TBC1D22A: variants seen among roughly 807,000 people sequenced by gnomAD.
TBC1D22A encodes putative GTPase activator.
A neutral mutation model predicts 60.2 loss-of-function variants in TBC1D22A; 38 were observed. The ratio of observed to expected loss-of-function variants is 0.63; its 90% CI spans 0.49 to 0.83. The LOEUF (loss-of-function observed/expected upper bound fraction) is 0.83. Among genes scored for constraint, TBC1D22A ranks in the 40% least tolerant of loss-of-function variants. The probability of loss-of-function intolerance (pLI) is 0.00; values close to 1 mark genes in which losing one functional copy is unlikely to be tolerated. For synonymous variants in TBC1D22A, 302 were observed against 281.7 expected (o/e 1.07, Z -0.72); for missense variants, 628 against 701.0 (o/e 0.90, Z 1.18).
rs150598187 is a variant in TBC1D22A, at chr22:46,991,250, G to A, written c.1126-6384G>A. Among the ~76,000 whole-genome samples the A allele has an allele frequency of 3.5e-3, 539 of 152,310 alleles. 2 individuals carry two copies. The highest frequency in any genetic ancestry group is 0.013 in the African/African-American group (528 of 41,548). ...AGGCTGCATAGAATCTGACACGTTT[G>A]TGCTCTGAGGGTGCTTTCTGAGAAC... On this transcript the variant is annotated intron_variant, in intron 9 of 12. Transcript: ENST00000337137.
In TBC1D22A at chr22:46,771,337, T is replaced by C. The variant is rs187088766; in HGVS notation, c.62+8489T>C. 3.9e-4 allele frequency among the ~76,000 whole-genome samples: 59 copies of C among 152,260 alleles called. 1 individual carries two copies. Among genetic ancestry groups the C allele is most frequent in the African/African-American group, 1.3e-3 (55 of 41,532 alleles). Reference sequence around the variant, plus strand: ...TCTGTTTTTCTTTCTGTTTTTCTTTTTAATTTTTTATTTCTATAGATTACT... The same window carrying C: ...TCTGTTTTTCTTTCTGTTTTTCTTTCTAATTTTTTATTTCTATAGATTACT... On this transcript the variant is annotated intron_variant, in intron 1 of 12. Transcript: ENST00000337137.
chr22:46,991,806 G>A (rs924426452), intron 9 of TBC1D22A, among the ~76,000 whole-genome samples: 1 of 152,118 alleles, frequency 6.6e-6, no homozygotes, highest in African/African-American at 2.4e-5. Flanking sequence ...TGCCTCAGCC[G>A]CAGCTTGCTC....
chr22:47,093,062 C>G (rs1471673829), intron 11 of TBC1D22A, among the ~76,000 whole-genome samples: 1 of 152,202 alleles, frequency 6.6e-6, no homozygotes, highest in Non-Finnish European at 1.5e-5. Flanking sequence ...CTTCTTGCAA[C>G]TTAGTGGCAG....
At chr22:46,891,845 C>T (rs7284674) in intron 6 of TBC1D22A, among the ~76,000 whole-genome samples, 15,319 of 152,138 alleles carry the variant, frequency 0.1, 1,188 homozygotes, top group African/African-American at 0.22. Context: ...GATGTGATAC[C>T]GACCCAGGAA....
chr22:47,120,128 A>G (rs1281689353), intron 12 of TBC1D22A, among the ~76,000 whole-genome samples: 2 of 152,224 alleles, frequency 1.3e-5, no homozygotes, highest in African/African-American at 2.4e-5. Context: ...GGCTTGCACT[A>G]TTAATAAAAA....
intron 4 of TBC1D22A, among the ~76,000 whole-genome samples, chr22:46,873,618 G>A (rs920612700): frequency 1.3e-5 from 2 of 152,154 alleles, no homozygotes; most frequent in African/African-American, 2.4e-5. Context: ...CATCATCCAG[G>A]TATTAGGCCC....
chr22:47,175,686 G>A lies in TBC1D22A; in HGVS notation c.*2060G>A, dbSNP rs2068659203. On this transcript the variant is annotated 3_prime_UTR_variant, in exon 13 of 13. Transcript: ENST00000337137. ...CGCTAAAAACACGGAATAAAGATCAGTGACAAAGCCGCGGCCTTGGCCTGT... is the reference window on the plus strand; with the variant it reads ...CGCTAAAAACACGGAATAAAGATCAATGACAAAGCCGCGGCCTTGGCCTGT... 1 of 152,298 alleles carries A rather than the reference G, an allele frequency of 6.6e-6. No individual in the cohort carries two copies. The highest frequency in any genetic ancestry group is 2.4e-5 in the African/African-American group (1 of 41,388). The allele number at this position is 152,298 out of a possible 1,614,324, so 9.4% of individuals were successfully genotyped here. A position where few individuals can be genotyped will look rare whatever the true frequency, so the allele number is the denominator to read the frequency against.
intron 8 of TBC1D22A, among the ~76,000 whole-genome samples, chr22:46,952,804 C>G (rs984126991): frequency 1.3e-5 from 2 of 152,168 alleles, no homozygotes; most frequent in Non-Finnish European, 2.9e-5. Context: ...TTGTTGGTAC[C>G]AGAGCTGACT....
chr22:47,159,952 A>G (rs1473038754), intron 12 of TBC1D22A, among the ~76,000 whole-genome samples: 2 of 116,860 alleles, frequency 1.7e-5, no homozygotes, highest in East Asian at 2.0e-4. Flanking sequence ...ACAAAACTAC[A>G]CAGCACACAT....
At chr22:46,832,491 A>G (rs189560879) in intron 4 of TBC1D22A, among the ~76,000 whole-genome samples, 1 of 152,188 alleles carries the variant, frequency 6.6e-6, no homozygotes, top group Non-Finnish European at 1.5e-5. Flanking sequence ...TCTACTAAAA[A>G]TATAAAAAGC....
At chr22:46,790,408 T>C (rs777311161) in intron 1 of TBC1D22A, among the ~76,000 whole-genome samples, 4 of 152,238 alleles carry the variant, frequency 2.6e-5, no homozygotes, top group Admixed American at 6.5e-5. Flanking sequence ...CTTAATTGCA[T>C]CTGCAAAGTC....
chr22:47,015,790 C>T (rs1490063307), intron 10 of TBC1D22A, among the ~76,000 whole-genome samples: 1 of 152,208 alleles, frequency 6.6e-6, no homozygotes, highest in Admixed American at 6.5e-5. Flanking sequence ...ATCCTCGAAG[C>T]AGCCTGGCGT....
chr22:47,002,044 A>G (rs186394370), intron 10 of TBC1D22A, among the ~76,000 whole-genome samples: 3 of 152,212 alleles, frequency 2.0e-5, no homozygotes, highest in Non-Finnish European at 2.9e-5. Flanking sequence ...TTAATTGTCA[A>G]TCTGTTCCCT....
intron 11 of TBC1D22A, among the ~76,000 whole-genome samples, chr22:47,084,645 A>G (rs1274276993): frequency 2.6e-5 from 4 of 152,228 alleles, no homozygotes; most frequent in Admixed American, 2.6e-4. Flanking sequence ...CAGAATGGAT[A>G]AACTGTGGAG....
At chr22:47,048,328 G>C (rs994284629) in intron 11 of TBC1D22A, among the ~76,000 whole-genome samples, 21 of 152,206 alleles carry the variant, frequency 1.4e-4, no homozygotes, top group African/African-American at 5.1e-4. Context: ...GTCAGGTAGG[G>C]AAAGGGTGGC....
chr22:47,040,994 TC>T (rs1230194801), intron 11 of TBC1D22A, among the ~76,000 whole-genome samples: 5 of 152,166 alleles, frequency 3.3e-5, no homozygotes, highest in Non-Finnish European at 7.3e-5. Flanking sequence ...TTAGAATGGC[TC>T]CTCACACACA....
intron 12 of TBC1D22A, among the ~76,000 whole-genome samples, chr22:47,161,782 C>T (rs1345282130): frequency 2.0e-5 from 3 of 152,328 alleles, no homozygotes; most frequent in East Asian, 3.9e-4. Flanking sequence ...CTTGTGGACC[C>T]GACAGTGTGA....
intron 4 of TBC1D22A, 145 bp from the exon 5 acceptor site, chr22:46,878,508 G>A (rs1013191816): frequency 7.3e-6 from 5 of 688,076 alleles, no homozygotes; most frequent in Admixed American, 4.4e-5. Flanking sequence ...GAAATCAATC[G>A]TATCTGAAAT....
intron 10 of TBC1D22A, among the ~76,000 whole-genome samples, chr22:47,004,253 C>T (rs1408985100): frequency 2.0e-5 from 3 of 150,266 alleles, no homozygotes; most frequent in Admixed American, 2.0e-4. Flanking sequence ...GCCATATACA[C>T]ATATACACAC....
Sources: gnomAD v4.1 joint callset for allele counts (sites outside exome capture counted in the v4.1 genomes callset) on GRCh38, gnomAD v4.1.1 for gene constraint, MANE v1.5 for transcripts, NCBI Gene and HGNC (gene_info 2026-07-23, HGNC 2026-07-21) for gene names.